Variants in HECW1 observed in about 807,000 individuals in gnomAD.
HECW1 encodes HECT, C2 and WW domain containing E3 ubiquitin protein ligase 1.
HECW1 carries 61 observed loss-of-function variants against 182.3 expected under a neutral mutation model. That is an observed-to-expected ratio of 0.33 (90% CI 0.27 to 0.41). The LOEUF (loss-of-function observed/expected upper bound fraction) is 0.41, where lower values mean the gene tolerates loss of function less well. Ranked by LOEUF, HECW1 falls within the 10% of genes least tolerant of loss-of-function variation. HECW1 has a pLI of 1.00. For synonymous variants in HECW1, 859 were observed against 832.6 expected, an observed-to-expected ratio of 1.03 and a Z score of -0.55; for missense variants, 1,739 against 2,108.9, an observed-to-expected ratio of 0.82 and a Z score of 3.44.
chr7:43,275,669 C>T (rs1803026698), intron 3 of HECW1, among the ~76,000 whole-genome samples: 1 of 152,122 alleles, frequency 6.6e-6, no homozygotes, highest in African/African-American at 2.4e-5. Flanking sequence ...CTATCTTCCT[C>T]CACTATTTAC....
At position 43,565,812 on chromosome 7, in the gene HECW1, A is replaced by T; in HGVS notation, c.*3886A>T. On this transcript the variant is annotated 3_prime_UTR_variant, in exon 30 of 30. Coordinates refer to ENST00000395891, the MANE Select transcript of HECW1 (RefSeq NM_015052.5). ...CTTTAGCCTACTTCCTGCAGCTTCCAATTTATCCAAGGAAATGTCTACAAC... is the reference window on the plus strand; with the variant it reads ...CTTTAGCCTACTTCCTGCAGCTTCCTATTTATCCAAGGAAATGTCTACAAC... 1 of 186,350 alleles carries T rather than the reference A, an allele frequency of 5.4e-6. No homozygotes were observed. Among genetic ancestry groups the T allele is most frequent in the Non-Finnish European group, 1.1e-5 (1 of 88,166 alleles). 11.5% of individuals were successfully genotyped at this position (186,350 alleles called of 1,614,324 possible).
intron 7 of HECW1, among the ~76,000 whole-genome samples, chr7:43,406,689 G>A (rs1226856246): frequency 3.3e-5 from 5 of 152,102 alleles, no homozygotes; most frequent in African/African-American, 9.7e-5. Context: ...AGGCCGAGGC[G>A]GGCGGATCAC....
chr7:43,217,122 C>T (rs1796516331), intron 2 of HECW1, among the ~76,000 whole-genome samples: 1 of 152,140 alleles, frequency 6.6e-6, no homozygotes, highest in Admixed American at 6.5e-5. Context: ...GCTAGGCACA[C>T]ATTTTAATGA....
chr7:43,357,336 A>G (rs1815282950), intron 5 of HECW1, among the ~76,000 whole-genome samples: 1 of 152,232 alleles, frequency 6.6e-6, no homozygotes, highest in African/African-American at 2.4e-5. Flanking sequence ...GTACCCATTA[A>G]TAGATGAGTG....
chr7:43,327,019 G>A (rs73689984), intron 5 of HECW1, among the ~76,000 whole-genome samples: 340 of 152,340 alleles, frequency 2.2e-3, no homozygotes, highest in African/African-American at 7.8e-3. Flanking sequence ...TTTTCACCAG[G>A]ACTGCTCTGC....
chr7:43,249,720 T>C (rs1799826432), intron 3 of HECW1, among the ~76,000 whole-genome samples: 1 of 152,330 alleles, frequency 6.6e-6, no homozygotes, highest in South Asian at 2.1e-4. Context: ...TTTTAAGTAC[T>C]GTATACTGAG....
intron 23 of HECW1, 60 bp downstream of exon 23, chr7:43,508,191 C>G (rs2079672629): frequency 8.8e-7 from 1 of 1,134,310 alleles, no homozygotes; most frequent in African/African-American, 1.5e-5. Flanking sequence ...GCCTCAGGGT[C>G]AGGGGTGATT....
At position 43,463,777 on chromosome 7, in the gene HECW1, C is replaced by T. The variant is rs2077667549; in HGVS notation, c.2769C>T (p.Ala923=). ...GGGGGGSDSE[A]ESSQSSLDLR... Reference sequence around the variant, plus strand: ...GAGGTGGAGGGAGTGACTCAGAAGCCGAATCTTCCCAGTCCAGCTTAGGTA... The same window carrying T: ...GAGGTGGAGGGAGTGACTCAGAAGCTGAATCTTCCCAGTCCAGCTTAGGTA... The change falls in exon 14 of 30, where the codon GCC becomes GCT. Residue 923 remains alanine, a synonymous_variant. Coordinates refer to ENST00000395891, the MANE Select transcript of HECW1 (RefSeq NM_015052.5). 5.6e-6 allele frequency: 9 copies of T among 1,613,820 alleles called. No individual in the cohort carries two copies. Among genetic ancestry groups the T allele is most frequent in the East Asian group, 2.2e-5 (1 of 44,882 alleles).
chr7:43,485,903 C>G (rs943715488), intron 17 of HECW1, among the ~76,000 whole-genome samples: 1 of 152,098 alleles, frequency 6.6e-6, no homozygotes, highest in Admixed American at 6.6e-5. Context: ...TACATGTTTA[C>G]AATGCGCAGG....
At position 43,550,590 on chromosome 7, in the gene HECW1, A is replaced by G; in HGVS notation, c.4394A>G (p.Glu1465Gly). The G allele has an allele frequency of 6.3e-7, 1 of 1,599,752 alleles. No homozygotes were observed. The highest frequency in any genetic ancestry group is 8.5e-7 in the Non-Finnish European group (1 of 1,173,572). The change falls in exon 27 of 30, where the codon GAG becomes GGG. Residue 1465 changes from glutamate to glycine, a missense_variant and splice_region_variant. By Grantham distance (98) the Glu-to-Gly change is moderately conservative. This residue lies in a region of HECW1 where 420 missense variants were observed against 595.7 expected (regional missense o/e 0.71). Coordinates refer to ENST00000395891, the MANE Select transcript of HECW1 (RefSeq NM_015052.5). ...GAGGCGCTGGTGCGCGGCTTCTACG[A>G]GGTGAGGCCCGGTGGCCTGGGGAAG... The part of the protein sequence containing the change: ...QTEALVRGFY[E>G]VVDSRLVSVF...
rs2082269840 is a variant in HECW1, at chr7:43,563,785, C to T, written c.*1859C>T. 1 of 177,006 alleles carries T rather than the reference C, an allele frequency of 5.6e-6. No individual in the cohort carries two copies. Among genetic ancestry groups the T allele is most frequent in the Non-Finnish European group, 1.2e-5 (1 of 82,386 alleles). The allele number at this position is 177,006 out of a possible 1,614,324, so 11.0% of individuals were successfully genotyped here. A position where few individuals can be genotyped will look rare whatever the true frequency, so the allele number is the denominator to read the frequency against. On this transcript the variant is annotated 3_prime_UTR_variant, in exon 30 of 30. Coordinates refer to ENST00000395891, the MANE Select transcript of HECW1 (RefSeq NM_015052.5). ...TTGGGAGGCTGAGGAAGGAGAATCG[C>T]TCAAACCTGAGAAGCAGAGGTTGCA...
intron 8 of HECW1, among the ~76,000 whole-genome samples, chr7:43,422,966 AG>A (rs2076243200): frequency 6.6e-6 from 1 of 152,190 alleles, no homozygotes; most frequent in Admixed American, 6.5e-5. Flanking sequence ...ACAATTGCTA[AG>A]TGATTACTGT....
At position 43,444,816 on chromosome 7, in the gene HECW1, A is replaced by G. The variant is rs1457208166; in HGVS notation, c.1644A>G (p.Ser548=). 1 of 1,614,038 alleles carries G rather than the reference A, an allele frequency of 6.2e-7. No homozygotes were observed. Among genetic ancestry groups the G allele is most frequent in the Admixed American group, 1.7e-5 (1 of 60,036 alleles). Residue 548 remains serine (S), a synonymous_variant, in exon 11 of 30, where the codon TCA becomes TCG. Transcript: ENST00000395891. The surrounding 1 kb of genome is among the most constrained non-coding windows in gnomAD (Gnocchi z 4.3). Reference sequence around the variant, plus strand: ...CCGAGCTGGAGACGGTGATCGCGTCAGCCTGCGGGGACCCCGAGACCCCGC... The same window carrying G: ...CCGAGCTGGAGACGGTGATCGCGTCGGCCTGCGGGGACCCCGAGACCCCGC... ...PVSELETVIA[S]ACGDPETPRT...
At chr7:43,356,901 A>G (rs777151285) in intron 5 of HECW1, among the ~76,000 whole-genome samples, 1 of 152,198 alleles carries the variant, frequency 6.6e-6, no homozygotes, top group Non-Finnish European at 1.5e-5. Context: ...GCAAAAAACA[A>G]TCTGATTTTT....
intron 2 of HECW1, among the ~76,000 whole-genome samples, chr7:43,128,523 A>G (rs1417031167): frequency 6.6e-6 from 1 of 152,244 alleles, no homozygotes; most frequent in Admixed American, 6.5e-5. Context: ...CTGCTCATTG[A>G]CAATGCACTT....
At chr7:43,504,978 G>A (rs1030360698) in intron 21 of HECW1, among the ~76,000 whole-genome samples, 1 of 152,286 alleles carries the variant, frequency 6.6e-6, no homozygotes, top group Middle Eastern at 3.4e-3. Flanking sequence ...CTCCGGCAGC[G>A]TGTAACATGA....
chr7:43,470,171 G>A (rs1247343731), intron 16 of HECW1, among the ~76,000 whole-genome samples: 1 of 152,230 alleles, frequency 6.6e-6, no homozygotes. Flanking sequence ...CTCATTGACT[G>A]GACGTGGCCT....
intron 29 of HECW1, 51 bp from the exon 30 acceptor site, chr7:43,561,764 C>A: frequency 8.1e-7 from 1 of 1,234,952 alleles, no homozygotes; most frequent in Non-Finnish European, 1.2e-6. Flanking sequence ...GATCCAGAAC[C>A]AGTTGTATCA....
At chr7:43,461,082 C>T (rs906981370) in intron 13 of HECW1, among the ~76,000 whole-genome samples, 1 of 152,260 alleles carries the variant, frequency 6.6e-6, no homozygotes, top group Non-Finnish European at 1.5e-5. Context: ...AGTAAAACTA[C>T]ACCAAACGTA....
Sources: gnomAD v4.1 joint callset for allele counts (sites outside exome capture counted in the v4.1 genomes callset) on GRCh38, gnomAD v4.1.1 for gene constraint, gnomAD v4.1.1 regional missense constraint, Gnocchi (gnomAD v3.1) non-coding constraint, MANE v1.5 for transcripts, NCBI Gene and HGNC (gene_info 2026-07-23, HGNC 2026-07-21) for gene names.